Variants in ADAMTS19 observed in about 807,000 individuals in gnomAD.
ADAMTS19 encodes the protein ADAM metallopeptidase with thrombospondin type 1 motif 19, also known as A disintegrin and metalloproteinase with thrombospondin motifs 19.
A neutral mutation model predicts 153.3 loss-of-function variants in ADAMTS19; 93 were observed. That is an observed-to-expected ratio of 0.61 (90% CI 0.51 to 0.72). ADAMTS19 has a LOEUF of 0.72. Ranked by LOEUF, ADAMTS19 falls within the 30% of genes least tolerant of loss-of-function variation. The pLI, the probability that ADAMTS19 is intolerant of heterozygous loss-of-function variation, is 0.00. For missense variants in ADAMTS19, 1,482 were observed against 1,552.1 expected (o/e 0.95, Z 0.76); for synonymous variants, 600 against 556.6 (o/e 1.08, Z -1.10).
chr5:129,703,487 C>T (rs1756003957), intron 20 of ADAMTS19, among the ~76,000 whole-genome samples: 1 of 152,160 alleles, frequency 6.6e-6, no homozygotes, highest in Non-Finnish European at 1.5e-5. Flanking sequence ...AATCCCAACA[C>T]TTTGGGAGGC....
At position 129,654,295 on chromosome 5, in the gene ADAMTS19, T is replaced by C; in HGVS notation, c.2177-11T>C. 4.4e-6 allele frequency: 7 copies of C among 1,596,406 alleles called. No homozygotes were observed. The highest frequency in any genetic ancestry group is 6.0e-6 in the Non-Finnish European group (7 of 1,175,958). On this transcript the variant is annotated splice_polypyrimidine_tract_variant and intron_variant, in intron 13 of 22. Coordinates refer to ENST00000274487, the MANE Select transcript of ADAMTS19 (RefSeq NM_133638.6). ...CTTTTTCTCATTTCTTTTTATCTAC[T>C]CTGTATGTAGAAAAACCATGTGCCT...
chr5:129,648,452 A>C (rs979653553), intron 12 of ADAMTS19, among the ~76,000 whole-genome samples: 7 of 152,154 alleles, frequency 4.6e-5, no homozygotes, highest in Non-Finnish European at 1.0e-4. Flanking sequence ...AATTTATGTA[A>C]AAACACCTCC....
rs138576757 is a variant in ADAMTS19, at chr5:129,597,916, A to G, written c.1478+1252A>G. Among the ~76,000 whole-genome samples, 929 of 151,672 alleles carry G rather than the reference A, an allele frequency of 6.1e-3. 14 individuals are homozygous for G. Among genetic ancestry groups the G allele is most frequent in the African/African-American group, 0.022 (894 of 41,372 alleles). Reference sequence around the variant, plus strand: ...TCTCTATCTCAAAAAAAAAAAAAGAAAAAAAGAAAAAAAAGAAATGGCACA... The same window carrying G: ...TCTCTATCTCAAAAAAAAAAAAAGAGAAAAAGAAAAAAAAGAAATGGCACA... On this transcript the variant is annotated intron_variant, in intron 8 of 22. Coordinates refer to ENST00000274487, the MANE Select transcript of ADAMTS19 (RefSeq NM_133638.6).
At chr5:129,627,904 A>G (rs1752124323) in intron 10 of ADAMTS19, among the ~76,000 whole-genome samples, 1 of 151,228 alleles carries the variant, frequency 6.6e-6, no homozygotes, top group Admixed American at 6.6e-5. Flanking sequence ...AGAGCTAAAA[A>G]AAAAACTACC....
chr5:129,684,002 A>G (rs1754948753), intron 17 of ADAMTS19, 118 bp from the exon 18 acceptor site: 2 of 1,133,906 alleles, frequency 1.8e-6, no homozygotes, highest in Admixed American at 2.3e-5. Flanking sequence ...AGCAACAACA[A>G]CAACAAAATG....
chr5:129,715,597 A>G (rs1190217784), intron 21 of ADAMTS19, among the ~76,000 whole-genome samples: 6 of 152,166 alleles, frequency 3.9e-5, no homozygotes, highest in Non-Finnish European at 8.8e-5. Context: ...ACTTGGGTTG[A>G]TTATCTGTAG....
chr5:129,663,047 A>G (rs536639250), intron 15 of ADAMTS19, among the ~76,000 whole-genome samples: 23 of 152,100 alleles, frequency 1.5e-4, no homozygotes, highest in Non-Finnish European at 2.9e-4. Context: ...GGCATGTGCC[A>G]CTATACCCAG....
chr5:129,712,463 C>A (rs978487120), intron 21 of ADAMTS19, among the ~76,000 whole-genome samples: 2 of 152,154 alleles, frequency 1.3e-5, no homozygotes, highest in Admixed American at 1.3e-4. Context: ...TTAGATATAT[C>A]CACTGAGTAC....
intron 17 of ADAMTS19, 97 bp from the exon 18 acceptor site, chr5:129,684,022 CA>C: frequency 7.6e-7 from 1 of 1,308,656 alleles, no homozygotes; most frequent in Non-Finnish European, 1.0e-6. Context: ...GCACACAACA[CA>C]ATGAGCATTT....
chr5:129,633,865 C>A (rs772615980), intron 10 of ADAMTS19, among the ~76,000 whole-genome samples: 60 of 152,208 alleles, frequency 3.9e-4, no homozygotes, highest in Admixed American at 7.2e-4. Flanking sequence ...TCTTCTAATT[C>A]TATTCCCTCT....
chr5:129,722,811 T>G (rs954935410), intron 21 of ADAMTS19, among the ~76,000 whole-genome samples: 1 of 152,204 alleles, frequency 6.6e-6, no homozygotes, highest in East Asian at 1.9e-4. Flanking sequence ...GTTATTTAAC[T>G]TGTCAGCAGT....
Position 129,625,346 on chromosome 5 carries a change from A to G in ADAMTS19, c.1770+2998A>G, listed in dbSNP as rs182528414. Among the ~76,000 whole-genome samples the G allele has an allele frequency of 8.5e-4, 129 of 152,322 alleles. 1 individual carries two copies. The highest frequency in any genetic ancestry group is 3.1e-3 in the African/African-American group (127 of 41,568). On this transcript the variant is annotated intron_variant, in intron 10 of 22. Coordinates refer to ENST00000274487, the MANE Select transcript of ADAMTS19 (RefSeq NM_133638.6). ...GCATGGTTTATAATCCTTTAGGTATATACCCAGTAATGGGATCACTGTGTC... is the reference window on the plus strand; with the variant it reads ...GCATGGTTTATAATCCTTTAGGTATGTACCCAGTAATGGGATCACTGTGTC...
intron 8 of ADAMTS19, among the ~76,000 whole-genome samples, chr5:129,616,466 A>G (rs1003002853): frequency 6.6e-6 from 1 of 152,046 alleles, no homozygotes; most frequent in African/African-American, 2.4e-5. Flanking sequence ...TTATCCAAAA[A>G]AATGAGTGAA....
chr5:129,648,081 C>G (rs985916469), intron 12 of ADAMTS19, among the ~76,000 whole-genome samples, 186 bp downstream of exon 12: 1 of 151,952 alleles, frequency 6.6e-6, no homozygotes, highest in Non-Finnish European at 1.5e-5. Flanking sequence ...AAAGACCAAC[C>G]CTTCTAAGAA....
chr5:129,490,411 T>C (rs931918810), intron 2 of ADAMTS19, among the ~76,000 whole-genome samples: 2 of 152,162 alleles, frequency 1.3e-5, no homozygotes, highest in Admixed American at 6.5e-5. Flanking sequence ...ATCAGAAGAA[T>C]GTGTAGGAAA....
chr5:129,695,125 C>G (rs1221170283), intron 19 of ADAMTS19, among the ~76,000 whole-genome samples: 1 of 152,096 alleles, frequency 6.6e-6, no homozygotes, highest in African/African-American at 2.4e-5. Context: ...ACCTCTAGGT[C>G]ACCTCTTCAA....
intron 8 of ADAMTS19, among the ~76,000 whole-genome samples, chr5:129,617,876 A>G (rs1751601183): frequency 6.6e-6 from 1 of 152,098 alleles, no homozygotes; most frequent in South Asian, 2.1e-4. Context: ...ATAATTAATG[A>G]TAAATCTGTT....
rs374761535 is a variant in ADAMTS19 at position 129,485,470 on chromosome 5, TAAG to T, written c.748-23605_748-23603del. On this transcript the variant is annotated intron_variant, in intron 2 of 22. Coordinates refer to ENST00000274487, the MANE Select transcript of ADAMTS19 (RefSeq NM_133638.6). ...TAAAGAATAAAGGAAATAATATAGATAAGAGCAGAAATCAATGAAATTTTTTTA... is the reference window on the plus strand; with the variant it reads ...TAAAGAATAAAGGAAATAATATAGATAGCAGAAATCAATGAAATTTTTTTA... Among the ~76,000 whole-genome samples, 731 of 151,990 alleles carry T rather than the reference TAAG, an allele frequency of 4.8e-3. 4 individuals are homozygous for T. The highest frequency in any genetic ancestry group is 6.8e-3 in the Non-Finnish European group (461 of 67,930).
chr5:129,461,692 T>C lies in ADAMTS19; in HGVS notation c.682T>C (p.Tyr228His). ...CGCGCCACCAGACGCAGGCTGCTTC[T>C]ACACCGGAGCTGTGCTGCGGCACCC... ...PPAPPDAGCF[Y>H]TGAVLRHPGS... The change falls in exon 2 of 23, where the codon TAC becomes CAC. Residue 228 changes from tyrosine (Y) to histidine (H), a missense_variant. Coordinates refer to ENST00000274487, the MANE Select transcript of ADAMTS19 (RefSeq NM_133638.6). The surrounding 1 kb of genome is among the most constrained non-coding windows in gnomAD (Gnocchi z 4.6). The C allele has an allele frequency of 6.4e-7, 1 of 1,568,522 alleles. No individual in the cohort carries two copies. The highest frequency in any genetic ancestry group is 1.4e-5 in the African/African-American group (1 of 72,398).
Sources: allele counts gnomAD v4.1 joint callset (sites outside exome capture counted in the v4.1 genomes callset), GRCh38; gene constraint gnomAD v4.1.1; non-coding constraint Gnocchi (gnomAD v3.1); transcripts MANE v1.5; gene names NCBI Gene and HGNC (gene_info 2026-07-23, HGNC 2026-07-21).